The following LAMA1 variants were observed in gnomAD, a reference collection of about 807,000 sequenced individuals.
The protein encoded by LAMA1 is laminin subunit alpha-1.
LAMA1 carries 219 observed loss-of-function variants against 348.7 expected under a neutral mutation model. That is an observed-to-expected ratio of 0.63 (90% CI 0.56 to 0.70). The LOEUF is 0.70. Ranked by LOEUF, LAMA1 falls within the 30% of genes least tolerant of loss-of-function variation. LAMA1 has a pLI of 0.00. For missense variants in LAMA1, 3,744 were observed against 3,888.0 expected (o/e 0.96, Z 0.99); for synonymous variants, 1,487 against 1,491.0 (o/e 1.00, Z 0.06).
chr18:7,115,226 T>C (rs982674113), intron 1 of LAMA1, among the ~76,000 whole-genome samples: 1 of 152,208 alleles, frequency 6.6e-6, no homozygotes, highest in African/African-American at 2.4e-5. Context: ...GAATACTATG[T>C]CATATATGAG....
At chr18:7,054,859 A>G (rs78404308) in intron 3 of LAMA1, among the ~76,000 whole-genome samples, 47 of 152,232 alleles carry the variant, frequency 3.1e-4, no homozygotes, top group Non-Finnish European at 5.3e-4. Context: ...TTACAATTTT[A>G]ATAACAATTT....
In LAMA1 at chr18:6,983,236, T is replaced by C. The variant is rs930107993; in HGVS notation, c.5661-2A>G. The C allele has an allele frequency of 1.6e-5, 26 of 1,614,096 alleles. No individual in the cohort carries two copies. Among genetic ancestry groups the C allele is most frequent in the Middle Eastern group, 3.3e-4 (2 of 6,084 alleles). On this transcript the variant is annotated splice_acceptor_variant, in intron 39 of 62. Coordinates refer to ENST00000389658, the MANE Select transcript of LAMA1 (RefSeq NM_005559.4). LOFTEE classifies it high-confidence loss of function. ...ACATTTCTGATGTTTTCAAGGCCAC[T>C]ATCAAAGCAGCATATTTAGATACGT... is the stretch of plus-strand genomic sequence containing the variant.
In LAMA1 at chr18:7,035,133, G is replaced by T. The variant is rs555767993; in HGVS notation, c.1840-443C>A. 7.8e-4 allele frequency among the ~76,000 whole-genome samples: 119 copies of T among 152,310 alleles called. 1 individual carries two copies. The highest frequency in any genetic ancestry group is 2.8e-3 in the African/African-American group (116 of 41,564). On this transcript the variant is annotated intron_variant, in intron 13 of 62. Transcript: ENST00000389658. ...GGAGATGGAGGTGAAGATAGCTCCA[G>T]GTGAAAGGACATGAGAGACAAGAAC...
intron 10 of LAMA1, 79 bp from the exon 11 acceptor site, chr18:7,039,029 G>A: frequency 8.5e-7 from 1 of 1,180,264 alleles, no homozygotes; most frequent in African/African-American, 1.5e-5. Context: ...AACAAGATAG[G>A]TGTTCGGTGA....
Position 7,101,045 on chromosome 18 carries a change from G to T in LAMA1, c.61+16615C>A, listed in dbSNP as rs1209223142. Reference sequence around the variant, plus strand: ...TGTCTCAAAAAAAAGACTCCATTTTGTATGACTCCATGTATATGAAATTTC... The same window carrying T: ...TGTCTCAAAAAAAAGACTCCATTTTTTATGACTCCATGTATATGAAATTTC... On this transcript the variant is annotated intron_variant, in intron 1 of 62. Coordinates refer to ENST00000389658, the MANE Select transcript of LAMA1 (RefSeq NM_005559.4). Among the ~76,000 whole-genome samples, 3 of 152,212 alleles carry T rather than the reference G, an allele frequency of 2.0e-5. No homozygotes were observed. In the East Asian group the frequency reaches 5.8e-4, roughly 29 times the overall value.
chr18:6,941,820 C>T lies in LAMA1; in HGVS notation c.*259G>A, dbSNP rs966857938. 8.5e-6 allele frequency: 4 copies of T among 472,434 alleles called. No homozygotes were observed. Among genetic ancestry groups the T allele is most frequent in the African/African-American group, 7.8e-5 (4 of 50,976 alleles). 29.3% of individuals were successfully genotyped at this position (472,434 alleles called of 1,614,324 possible). A position where few individuals can be genotyped will look rare whatever the true frequency, so the allele number is the denominator to read the frequency against. ...ACATAAAATACTATCAAGTAATCAA[C>T]AGAACATTCAATGTGTATAAAGATT... On this transcript the variant is annotated 3_prime_UTR_variant, in exon 63 of 63. Coordinates refer to ENST00000389658, the MANE Select transcript of LAMA1 (RefSeq NM_005559.4).
rs1360817071 is a variant in LAMA1, at chr18:6,983,134, T to C, written c.5761A>G (p.Arg1921Gly). Residue 1921 changes from arginine (R) to glycine (G), a missense_variant, in exon 40 of 63, where the codon AGA (arginine) becomes GGA (glycine). Transcript: ENST00000389658. The stretch of plus-strand genomic sequence containing the variant: ...TCAGTCACAGTCCTGTGAGCATCTC[T>C]GGCCAGTTCCTCCGATTCTTCAATC... ...SLIEESEELA[R>G]DAHRTVTETS... The C allele has an allele frequency of 6.2e-7, 1 of 1,613,856 alleles. No individual in the cohort carries two copies. Among genetic ancestry groups the C allele is most frequent in the Non-Finnish European group, 8.5e-7 (1 of 1,179,780 alleles).
intron 62 of LAMA1, among the ~76,000 whole-genome samples, chr18:6,942,554 C>G (rs1438176237): frequency 6.6e-6 from 1 of 151,892 alleles, no homozygotes; most frequent in Non-Finnish European, 1.5e-5. Flanking sequence ...GCTGGGGTTA[C>G]AGGCACCCGT....
chr18:6,949,125 C>G lies in LAMA1; in HGVS notation c.8532G>C (p.Gln2844His). The G allele has an allele frequency of 6.2e-7, 1 of 1,614,162 alleles. No individual in the cohort carries two copies. The highest frequency in any genetic ancestry group is 8.5e-7 in the Non-Finnish European group (1 of 1,180,032). Reference protein sequence around the residue: ...GLFYLGGLPSQYQARKIGNIT... With the variant: ...GLFYLGGLPSHYQARKIGNIT... Reference sequence around the variant, plus strand: ...CATTTCCAATTTTCCTGGCCTGGTACTGGGAGGGCAGGCCTCCTAGGTAGA... The same window carrying G: ...CATTTCCAATTTTCCTGGCCTGGTAGTGGGAGGGCAGGCCTCCTAGGTAGA... The change falls in exon 59 of 63, where the codon CAG becomes CAC. Residue 2844 changes from glutamine to histidine, a missense_variant. By Grantham distance (24) the Gln-to-His change is conservative. Around this residue, in one of 3 missense-constraint regions of LAMA1, gnomAD observed 1,983 missense variants for 1,934.3 expected, o/e 1.03. Coordinates refer to ENST00000389658, the MANE Select transcript of LAMA1 (RefSeq NM_005559.4).
intron 55 of LAMA1, chr18:6,957,195 G>A (rs1466489860): frequency 7.1e-6 from 2 of 282,560 alleles, no homozygotes; most frequent in Admixed American, 9.4e-5. Context: ...CTTGTCACAT[G>A]CACTTTCACT....
intron 14 of LAMA1, among the ~76,000 whole-genome samples, chr18:7,033,322 G>A (rs1243895820): frequency 6.6e-6 from 1 of 152,036 alleles, no homozygotes; most frequent in Non-Finnish European, 1.5e-5. Context: ...CGGGCGTGGT[G>A]GCATGTGCCT....
intron 5 of LAMA1, among the ~76,000 whole-genome samples, chr18:7,047,926 T>C (rs1415849046): frequency 1.3e-5 from 2 of 152,138 alleles, no homozygotes; most frequent in East Asian, 1.9e-4. Context: ...ACTATACAGC[T>C]ACTAAAAGAA....
At chr18:7,011,542 C>T in intron 24 of LAMA1, 63 bp from the exon 25 acceptor site, 1 of 1,415,412 alleles carries the variant, frequency 7.1e-7, no homozygotes, top group South Asian at 1.2e-5. Flanking sequence ...CAGTTTCATT[C>T]TTTAGATTCC....
intron 24 of LAMA1, 109 bp from the exon 25 acceptor site, chr18:7,011,588 A>G: frequency 1.9e-6 from 2 of 1,062,896 alleles, no homozygotes; most frequent in Non-Finnish European, 2.8e-6. Context: ...TTCATTATTA[A>G]AACAGAAACA....
intron 46 of LAMA1, among the ~76,000 whole-genome samples, chr18:6,973,915 G>A (rs893273987): frequency 3.9e-5 from 6 of 152,156 alleles, no homozygotes; most frequent in African/African-American, 7.2e-5. Context: ...GAGTGGCTAG[G>A]ACTACAGGCA....
chr18:7,038,735 C>T (rs1018358786), intron 11 of LAMA1, 75 bp downstream of exon 11: 19 of 1,593,160 alleles, frequency 1.2e-5, no homozygotes, highest in South Asian at 2.2e-5. Flanking sequence ...CTCATTTCCT[C>T]CTCACACAGC....
At chr18:6,944,754 T>C (rs571429747) in intron 61 of LAMA1, among the ~76,000 whole-genome samples, 80 of 152,250 alleles carry the variant, frequency 5.3e-4, no homozygotes, top group Admixed American at 1.6e-3. Flanking sequence ...TAAATTTCCA[T>C]TGTTTAAGCC....
intron 3 of LAMA1, among the ~76,000 whole-genome samples, chr18:7,057,274 C>G (rs1211259918): frequency 6.6e-6 from 1 of 152,088 alleles, no homozygotes; most frequent in Non-Finnish European, 1.5e-5. Context: ...TTCCCAGGAT[C>G]TCACAGGTGC....
intron 62 of LAMA1, among the ~76,000 whole-genome samples, chr18:6,942,497 T>A (rs1234540137): frequency 2.0e-5 from 3 of 151,920 alleles, no homozygotes; most frequent in Non-Finnish European, 2.9e-5. Flanking sequence ...CACTGCAACC[T>A]CTGCCTCCCG....
Sources: allele counts gnomAD v4.1 joint callset (sites outside exome capture counted in the v4.1 genomes callset), GRCh38; gene constraint gnomAD v4.1.1; regional missense constraint gnomAD v4.1.1; transcripts MANE v1.5; gene names NCBI Gene and HGNC (gene_info 2026-07-23, HGNC 2026-07-21).